Variants in KDM4C observed in about 807,000 individuals in gnomAD.
The protein encoded by KDM4C is lysine demethylase 4C.
KDM4C carries 81 observed loss-of-function variants against 129.3 expected under a neutral mutation model. The observed-to-expected ratio is 0.63, with a 90% CI of 0.52 to 0.75. The LOEUF is 0.75. KDM4C is among the 30% of genes least tolerant of loss of function. KDM4C has a pLI of 0.00. For missense variants in KDM4C, 1,457 were observed against 1,304.0 expected (o/e 1.12, Z -1.81); for synonymous variants, 573 against 456.1 (o/e 1.26, Z -3.26).
chr9:7,063,856 T>G lies in KDM4C; in HGVS notation c.2424+14656T>G, dbSNP rs1015266868. 9.9e-5 allele frequency among the ~76,000 whole-genome samples: 15 copies of G among 152,194 alleles called. 1 individual carries two copies. The highest frequency in any genetic ancestry group is 4.6e-4 in the Admixed American group (7 of 15,284). On this transcript the variant is annotated intron_variant, in intron 17 of 21. Transcript: ENST00000381309. ...TCTGTGGCCTGGCAGTGGAGAGAACTGTAAGGTCTAGGAACTGAAATTTCA... is the reference window on the plus strand; with the variant it reads ...TCTGTGGCCTGGCAGTGGAGAGAACGGTAAGGTCTAGGAACTGAAATTTCA...
At chr9:6,812,216 G>A (rs1017606632) in intron 3 of KDM4C, among the ~76,000 whole-genome samples, 1 of 149,256 alleles carries the variant, frequency 6.7e-6, no homozygotes, top group Non-Finnish European at 1.5e-5. Context: ...CAGCCTGGGT[G>A]ACAGAACAAG....
At chr9:7,143,892 G>A (rs1841988846) in intron 19 of KDM4C, among the ~76,000 whole-genome samples, 1 of 152,178 alleles carries the variant, frequency 6.6e-6, no homozygotes, top group African/African-American at 2.4e-5. Context: ...AGTGTATAAT[G>A]AGCATGATTG....
At chr9:7,051,298 C>G (rs561560676) in intron 17 of KDM4C, among the ~76,000 whole-genome samples, 57 of 152,248 alleles carry the variant, frequency 3.7e-4, no homozygotes, top group African/African-American at 1.3e-3. Flanking sequence ...AGTCTGGATT[C>G]TTTTTCACCA....
chr9:6,818,751 G>T (rs180835843), intron 4 of KDM4C, among the ~76,000 whole-genome samples: 88 of 152,286 alleles, frequency 5.8e-4, no homozygotes, highest in African/African-American at 2.0e-3. Flanking sequence ...AAAACATGGG[G>T]CCCAGAGAGG....
At chr9:6,943,001 G>A (rs570978302) in intron 8 of KDM4C, among the ~76,000 whole-genome samples, 10 of 152,146 alleles carry the variant, frequency 6.6e-5, no homozygotes, top group African/African-American at 2.4e-4. Flanking sequence ...GAGTAGCTAC[G>A]ACTACAGCCA....
intron 19 of KDM4C, among the ~76,000 whole-genome samples, chr9:7,150,053 C>G (rs560690990): frequency 6.6e-6 from 1 of 152,144 alleles, no homozygotes; most frequent in Non-Finnish European, 1.5e-5. Context: ...AGGAAGGGGT[C>G]AGGGCTACAA....
At chr9:6,857,550 C>T (rs1035709292) in intron 5 of KDM4C, among the ~76,000 whole-genome samples, 1 of 152,086 alleles carries the variant, frequency 6.6e-6, no homozygotes, top group Non-Finnish European at 1.5e-5. Flanking sequence ...AAGGAACCAT[C>T]CAGGATATCT....
Position 7,163,155 on chromosome 9 carries a change from C to T in KDM4C, c.2782-2083C>T, listed in dbSNP as rs186302080. On this transcript the variant is annotated intron_variant, in intron 19 of 21. Transcript: ENST00000381309. ...AAAGGGAAGGAGCTGAGCTAGAGGT[C>T]ACCAAACTTTCTTGGCTTGCAGGCA... Among the ~76,000 whole-genome samples the T allele has an allele frequency of 1.6e-4, 25 of 152,228 alleles. 1 individual carries two copies. The highest frequency in any genetic ancestry group is 1.4e-3 in the Admixed American group (21 of 15,306).
intron 19 of KDM4C, among the ~76,000 whole-genome samples, chr9:7,149,607 G>A (rs1209564999): frequency 6.6e-6 from 1 of 152,254 alleles, no homozygotes; most frequent in Non-Finnish European, 1.5e-5. Context: ...GCCGCCACCA[G>A]TAGTAATGAA....
At chr9:6,934,620 T>G (rs1374826721) in intron 8 of KDM4C, among the ~76,000 whole-genome samples, 2 of 151,740 alleles carry the variant, frequency 1.3e-5, no homozygotes, top group Non-Finnish European at 2.9e-5. Flanking sequence ...CGCGCCACCA[T>G]GCCTAGCTAA....
intron 15 of KDM4C, among the ~76,000 whole-genome samples, chr9:7,025,645 T>TA (rs1825686543): frequency 6.6e-6 from 1 of 152,106 alleles, no homozygotes; most frequent in Non-Finnish European, 1.5e-5. Context: ...AGAAAACCAA[T>TA]AAAAGCTCTA....
chr9:6,862,984 T>C (rs1841238461), intron 5 of KDM4C, among the ~76,000 whole-genome samples: 1 of 152,208 alleles, frequency 6.6e-6, no homozygotes, highest in Non-Finnish European at 1.5e-5. Context: ...GTAATTATCA[T>C]TTATTTATTT....
intron 17 of KDM4C, among the ~76,000 whole-genome samples, chr9:7,079,933 T>C (rs1391982985): frequency 1.3e-5 from 2 of 152,138 alleles, no homozygotes; most frequent in East Asian, 3.9e-4. Flanking sequence ...CTTCTTTTGC[T>C]TTACAGAATA....
intron 3 of KDM4C, among the ~76,000 whole-genome samples, chr9:6,806,184 T>C (rs1031936351): frequency 6.6e-6 from 1 of 152,172 alleles, no homozygotes; most frequent in African/African-American, 2.4e-5. Flanking sequence ...ATTAGTTATT[T>C]ATTGCTGTGT....
intron 1 of KDM4C, among the ~76,000 whole-genome samples, chr9:6,771,392 A>T (rs1311352993): frequency 1.3e-5 from 2 of 151,432 alleles, no homozygotes; most frequent in Non-Finnish European, 2.9e-5. Context: ...GCCCATTGTA[A>T]TCTCCACCTC....
In KDM4C at chr9:7,103,781, G is replaced by T; in HGVS notation, c.2521G>T (p.Ala841Ser). ...CCCGGCCTCCTTCCATGTCACTTGT[G>T]CCCATGCTGCTGGGGTACTGATGGA... The part of the protein sequence containing the change: ...RCPASFHVTC[A>S]HAAGVLMEPD... Residue 841 changes from alanine (A) to serine (S), a missense_variant, in exon 18 of 22, where the codon GCC becomes TCC. Physicochemically the swap from Ala to Ser is moderately conservative, Grantham distance 99 (BLOSUM62 1). Transcript: ENST00000381309. 6.2e-7 allele frequency: 1 copy of T among 1,613,958 alleles called. No individual in the cohort carries two copies. The highest frequency in any genetic ancestry group is 8.5e-7 in the Non-Finnish European group (1 of 1,179,898).
chr9:7,017,925 G>A (rs889956944), intron 15 of KDM4C, among the ~76,000 whole-genome samples: 6 of 152,172 alleles, frequency 3.9e-5, no homozygotes, highest in Admixed American at 3.3e-4. Flanking sequence ...ACTTTGGGGA[G>A]TGAAAGAAGG....
At chr9:6,796,403 C>G (rs965811214) in intron 2 of KDM4C, among the ~76,000 whole-genome samples, 1 of 152,190 alleles carries the variant, frequency 6.6e-6, no homozygotes, top group African/African-American at 2.4e-5. Context: ...GGATAACCAT[C>G]TCTTCTCTTC....
chr9:7,109,370 G>C (rs1838061262), intron 18 of KDM4C, among the ~76,000 whole-genome samples: 1 of 151,062 alleles, frequency 6.6e-6, no homozygotes, highest in Non-Finnish European at 1.5e-5. Flanking sequence ...TCTGTTCCCA[G>C]ATGGGGACCT....
Sources: allele counts gnomAD v4.1 joint callset (sites outside exome capture counted in the v4.1 genomes callset), GRCh38; gene constraint gnomAD v4.1.1; transcripts MANE v1.5; gene names NCBI Gene and HGNC (gene_info 2026-07-23, HGNC 2026-07-21).